AARSD1: variants seen among roughly 807,000 people sequenced by gnomAD.
AARSD1 encodes alanyl-tRNA editing protein Aarsd1.
A neutral mutation model predicts 48.7 loss-of-function variants in AARSD1; 44 were observed. That is an observed-to-expected ratio of 0.90 (90% confidence interval 0.71 to 1.16). AARSD1 has a LOEUF of 1.16. Ranked by LOEUF, AARSD1 falls within the 50% of genes most tolerant of loss-of-function variation. AARSD1 has a pLI of 0.00. For missense variants in AARSD1, 511 were observed against 523.1 expected (o/e 0.98, Z 0.23); for synonymous variants, 189 against 194.9 (o/e 0.97, Z 0.25).
rs763362775 is a variant in AARSD1 at position 42,961,184 on chromosome 17, G to A, written c.331+8C>T. The stretch of plus-strand genomic sequence containing the variant: ...CTCCGGTGTTATGTCCCCCATCCCA[G>A]CCTTTACCTGAATGCTGCTGCATGT... On this transcript the variant is annotated splice_region_variant and intron_variant, in intron 3 of 11. Coordinates refer to ENST00000427569, the MANE Select transcript of AARSD1 (RefSeq NM_001261434.2). 1 of 1,607,684 alleles carries A rather than the reference G, an allele frequency of 6.2e-7. No individual in the cohort carries two copies. The highest frequency in any genetic ancestry group is 1.7e-5 in the Admixed American group (1 of 59,228).
chr17:42,961,290 T>G lies in AARSD1; in HGVS notation c.233A>C (p.Gln78Pro). 2.5e-6 allele frequency: 4 copies of G among 1,614,170 alleles called. No homozygotes were observed. In the South Asian group the frequency reaches 4.4e-5, roughly 18 times the overall value. ...SVLRVTRRGE[Q>P]ADHFTQTPLD... ...GGGTGTCTGGGTGAAATGATCAGCCTGTTCCCCACGGCGAGTCACTCTCAG... is the reference window on the plus strand; with the variant it reads ...GGGTGTCTGGGTGAAATGATCAGCCGGTTCCCCACGGCGAGTCACTCTCAG... Residue 78 changes from glutamine (Q) to proline (P), a missense_variant, in exon 3 of 12, where the codon CAG (glutamine) becomes CCG (proline). By Grantham distance (76) the Gln-to-Pro change is moderately conservative. Coordinates refer to ENST00000427569, the MANE Select transcript of AARSD1 (RefSeq NM_001261434.2).
At chr17:42,959,431 G>A (rs2049601970) in intron 3 of AARSD1, among the ~76,000 whole-genome samples, 2 of 151,668 alleles carry the variant, frequency 1.3e-5, no homozygotes, top group Non-Finnish European at 2.9e-5. Context: ...GGCCAGGCTG[G>A]TCTCGAACTC....
At chr17:42,955,265 G>A (rs367826100) in intron 7 of AARSD1, 41 bp from the exon 8 acceptor site, 17 of 1,611,174 alleles carry the variant, frequency 1.1e-5, no homozygotes, top group African/African-American at 1.3e-5. Context: ...CAGCTTCCCA[G>A]TCGTTTCTGA....
intron 2 of AARSD1, 146 bp downstream of exon 2, chr17:42,963,960 T>C (rs879501243): frequency 1.6e-4 from 229 of 1,406,276 alleles, no homozygotes; most frequent in Non-Finnish European, 2.0e-4. Context: ...AAGCAATTGC[T>C]GATAAATACT....
At chr17:42,954,055 T>C in intron 9 of AARSD1, 1 of 456,790 alleles carries the variant, frequency 2.2e-6, no homozygotes, top group Non-Finnish European at 4.0e-6. Context: ...TAGGGGACAG[T>C]CCTAAAGAAA....
In AARSD1 at chr17:42,956,763, G is replaced by A. The variant is rs2049560763; in HGVS notation, c.390-203C>T. 2.4e-5 allele frequency among the ~76,000 whole-genome samples: 3 copies of A among 124,284 alleles called. No individual in the cohort carries two copies. In the Admixed American group the frequency reaches 3.2e-4, roughly 13 times the overall value. The allele number at this position is 124,284 out of a possible 152,430, so 81.5% of individuals were successfully genotyped here. A position where few individuals can be genotyped will look rare whatever the true frequency, so the allele number is the denominator to read the frequency against. ...GCTCACTGCAAGCTCCGCCTCCCGG[G>A]TTCACGCCATTCACCTGCCTCAGCC... On this transcript the variant is annotated intron_variant, in intron 4 of 11. Transcript: ENST00000427569.
chr17:42,961,740 G>A (rs1190629853), intron 2 of AARSD1, among the ~76,000 whole-genome samples: 1 of 152,114 alleles, frequency 6.6e-6, no homozygotes, highest in Admixed American at 6.6e-5. Flanking sequence ...ATTCAAAAAT[G>A]TTCATTTAGG....
chr17:42,962,416 TAA>T (rs1299829119), intron 2 of AARSD1: 1 of 157,998 alleles, frequency 6.3e-6, no homozygotes, highest in Non-Finnish European at 1.4e-5. Flanking sequence ...TCATGGAACT[TAA>T]GAGTCTAGAG....
Position 42,964,229 on chromosome 17 carries a change from G to A in AARSD1, c.48C>T (p.Thr16=). The change falls in exon 2 of 12, where the codon ACC becomes ACT. Residue 16 remains threonine (T), a synonymous_variant. Coordinates refer to ENST00000427569, the MANE Select transcript of AARSD1 (RefSeq NM_001261434.2). Reference sequence around the variant, plus strand: ...CCGCGGGACAGCAGGAGACCACGGTGGTGGTGAACTGAACAGAGAGGAATG... The same window carrying A: ...CCGCGGGACAGCAGGAGACCACGGTAGTGGTGAACTGAACAGAGAGGAATG... ...QRDSYAREFT[T]TVVSCCPAEL... The A allele has an allele frequency of 1.2e-6, 2 of 1,613,816 alleles. No homozygotes were observed. The highest frequency in any genetic ancestry group is 1.7e-6 in the Non-Finnish European group (2 of 1,180,002).
chr17:42,950,765 GA>G (rs761588307), intron 11 of AARSD1, 37 bp from the exon 12 acceptor site: 8 of 1,571,914 alleles, frequency 5.1e-6, no homozygotes, highest in African/African-American at 1.4e-5. Flanking sequence ...GACTTTGAGG[GA>G]AAAGTCACAA....
intron 3 of AARSD1, among the ~76,000 whole-genome samples, chr17:42,958,501 T>A (rs911804190): frequency 8.6e-5 from 13 of 151,462 alleles, no homozygotes; most frequent in Non-Finnish European, 1.5e-4. Context: ...CAAAAAAAAA[T>A]AAAAATAACA....
At position 42,964,118 on chromosome 17, in the gene AARSD1, C is replaced by T. The variant is rs1256577578; in HGVS notation, c.159G>A (p.Glu53=). The change falls in exon 2 of 12, where the codon GAG becomes GAA. Residue 53 remains glutamate, a synonymous_variant. Coordinates refer to ENST00000427569, the MANE Select transcript of AARSD1 (RefSeq NM_001261434.2). ...ATCGTTTTGGTACCTGTCCCCCGCC[C>T]TCAGGGAAAAGCACTGTGTCTTCCA... The part of the protein sequence containing the change: ...VVLEDTVLFP[E]GGGQPDDRGT... The T allele has an allele frequency of 2.5e-6, 4 of 1,614,096 alleles. No homozygotes were observed. Among genetic ancestry groups the T allele is most frequent in the Non-Finnish European group, 3.4e-6 (4 of 1,180,044 alleles).
intron 2 of AARSD1, chr17:42,962,053 G>T (rs2049644421): frequency 6.2e-6 from 1 of 160,066 alleles, no homozygotes; most frequent in African/African-American, 2.4e-5. Flanking sequence ...TGTAATCCCA[G>T]TACTTTGGAA....
chr17:42,956,416 A>C lies in AARSD1; in HGVS notation c.534T>G (p.Pro178=), dbSNP rs370516483. 29 of 1,614,006 alleles carry C rather than the reference A, an allele frequency of 1.8e-5. No individual in the cohort carries two copies. In the African/African-American group the frequency reaches 2.5e-4, roughly 14 times the overall value. Residue 178 remains proline (P), a synonymous_variant, in exon 5 of 12, where the codon CCT becomes CCG. Transcript: ENST00000427569. ...VNVRELSLDD[P]EVEQVSGRGL... Reference sequence around the variant, plus strand: ...GCTCTACCCTTACCTGCTCCACCTCAGGATCATCCAGGCTCAGTTCTCGGA... The same window carrying C: ...GCTCTACCCTTACCTGCTCCACCTCCGGATCATCCAGGCTCAGTTCTCGGA...
chr17:42,950,635 C>T lies in AARSD1; in HGVS notation c.1197G>A (p.Ala399=), dbSNP rs771329090. The change falls in exon 12 of 12, where the codon GCG becomes GCA. Residue 399 remains alanine (A), a synonymous_variant. Transcript: ENST00000427569. ...TKMSRRMEAQ[A]LLQDYISTQS... ...GCGTGCTGATGTAGTCCTGGAGAAG[C>T]GCCTGCGCCTCCATCCGCCGGCTCA... 1.1e-4 allele frequency: 172 copies of T among 1,613,866 alleles called. 3 individuals carry two copies. The highest frequency in any genetic ancestry group is 8.1e-4 in the South Asian group (74 of 91,046).
chr17:42,955,124 C>T, intron 8 of AARSD1, 34 bp downstream of exon 8: 1 of 1,614,002 alleles, frequency 6.2e-7, no homozygotes, highest in Non-Finnish European at 8.5e-7. Flanking sequence ...TAGGCAGGGC[C>T]CATGCCCTCT....
At chr17:42,957,326 CA>C in intron 3 of AARSD1, 131 bp from the exon 4 acceptor site, 1 of 1,087,984 alleles carries the variant, frequency 9.2e-7, no homozygotes. Context: ...CTGGGTAATA[CA>C]CTTTAGATAC....
At chr17:42,957,403 CTG>C in intron 3 of AARSD1, 1 of 494,548 alleles carries the variant, frequency 2.0e-6, no homozygotes, top group Non-Finnish European at 3.5e-6. Flanking sequence ...GATGAGGAAA[CTG>C]AAGCCTAGAG....
rs1343728367 is a variant in AARSD1, at chr17:42,956,250, G to C, written c.617C>G (p.Ser206Cys). The change falls in exon 6 of 12, where the codon TCC (serine) becomes TGC (cysteine). Residue 206 changes from serine (S) to cysteine (C), a missense_variant. Ser to Cys is a moderately radical substitution (Grantham distance 112). Transcript: ENST00000427569. ...CACATGGGTCCCACAGCACATGTTG[G>C]AATCAACGCCCTCGATGTTAACAAC... is the stretch of plus-strand genomic sequence containing the variant. ...IRVVNIEGVD[S>C]NMCCGTHVSN... 1 of 1,613,946 alleles carries C rather than the reference G, an allele frequency of 6.2e-7. No individual in the cohort carries two copies. Among genetic ancestry groups the C allele is most frequent in the Non-Finnish European group, 8.5e-7 (1 of 1,180,050 alleles).
Sources: allele counts gnomAD v4.1 joint callset (sites outside exome capture counted in the v4.1 genomes callset), GRCh38; gene constraint gnomAD v4.1.1; transcripts MANE v1.5; gene names NCBI Gene and HGNC (gene_info 2026-07-23, HGNC 2026-07-21).